The following FILIP1 variants were observed in gnomAD, a reference collection of about 807,000 sequenced individuals.
FILIP1 encodes the protein filamin-A-interacting protein 1.
FILIP1 carries 61 observed loss-of-function variants against 102.1 expected under a neutral mutation model. The ratio of observed to expected loss-of-function variants is 0.60; its 90% confidence interval spans 0.49 to 0.74. FILIP1 has a LOEUF of 0.74. Ranked by LOEUF, FILIP1 falls within the 30% of genes least tolerant of loss-of-function variation. The probability of loss-of-function intolerance (pLI) is 0.00; values close to 1 mark genes in which losing one functional copy is unlikely to be tolerated. For missense variants in FILIP1, 1,314 were observed against 1,441.2 expected (o/e 0.91, Z 1.43); for synonymous variants, 491 against 526.9 (o/e 0.93, Z 0.93).
rs758204903 is a variant in FILIP1, at chr6:75,308,913, T to C, written c.3436-16A>G. The C allele has an allele frequency of 1.2e-6, 2 of 1,613,030 alleles. No homozygotes were observed. The highest frequency in any genetic ancestry group is 1.7e-6 in the Non-Finnish European group (2 of 1,179,324). On this transcript the variant is annotated splice_polypyrimidine_tract_variant and intron_variant, in intron 5 of 5. Transcript: ENST00000237172. ...CTTGTCCTGACTGTAAGAGAGAAAA[T>C]ACGTAGATACAAGGGAGATGTTGGT...
At chr6:75,327,324 CT>C (rs899185529) in intron 4 of FILIP1, among the ~76,000 whole-genome samples, 5 of 152,138 alleles carry the variant, frequency 3.3e-5, no homozygotes, top group Admixed American at 2.6e-4. Context: ...ACCATCATCT[CT>C]TATCTGGATT....
intron 1 of FILIP1, among the ~76,000 whole-genome samples, chr6:75,479,553 T>C (rs1779590198): frequency 2.0e-5 from 3 of 152,216 alleles, no homozygotes; most frequent in Non-Finnish European, 4.4e-5. Flanking sequence ...TTTTCTATTG[T>C]GTCTCTTTTT....
At chr6:75,410,944 G>A (rs1160436225) in intron 2 of FILIP1, among the ~76,000 whole-genome samples, 2 of 152,196 alleles carry the variant, frequency 1.3e-5, no homozygotes, top group Non-Finnish European at 2.9e-5. Flanking sequence ...CCAGTAATGG[G>A]ATTGCTGGGT....
intron 2 of FILIP1, among the ~76,000 whole-genome samples, chr6:75,364,714 A>C (rs1582399294): frequency 6.6e-6 from 1 of 152,230 alleles, no homozygotes; most frequent in Admixed American, 6.5e-5. Context: ...TAAGGCTCCC[A>C]GGTGATTCCA....
At chr6:75,372,385 A>G (rs1159735397) in intron 2 of FILIP1, among the ~76,000 whole-genome samples, 3 of 149,348 alleles carry the variant, frequency 2.0e-5, no homozygotes, top group South Asian at 2.1e-4. Flanking sequence ...AAAAAAAAAA[A>G]GGAATTAATA....
intron 2 of FILIP1, among the ~76,000 whole-genome samples, chr6:75,380,207 C>CAAA (rs11447756): frequency 6.7e-6 from 1 of 149,264 alleles, no homozygotes; most frequent in Admixed American, 6.7e-5. Flanking sequence ...AATTAAAAGG[C>CAAA]AAAAAAAAAG....
intron 1 of FILIP1, among the ~76,000 whole-genome samples, chr6:75,459,235 A>T (rs1778940285): frequency 6.6e-6 from 1 of 152,186 alleles, no homozygotes; most frequent in Non-Finnish European, 1.5e-5. Context: ...GTCTGCAATG[A>T]TTCCCTGCCA....
intron 3 of FILIP1, among the ~76,000 whole-genome samples, chr6:75,357,691 T>C (rs551735895): frequency 5.6e-4 from 85 of 152,368 alleles, no homozygotes; most frequent in Non-Finnish European, 1.0e-3. Context: ...TGTGAGGTTT[T>C]AGGTGTCAAT....
Position 75,312,866 on chromosome 6 carries a change from T to C in FILIP1, c.2966A>G (p.Glu989Gly). The change falls in exon 5 of 6, where the codon GAG becomes GGG. Residue 989 changes from glutamate (E) to glycine (G), a missense_variant. Coordinates refer to ENST00000237172, the MANE Select transcript of FILIP1 (RefSeq NM_015687.5). ...GCCTCTTCCACTTTCTGGAGTCTTC[T>C]CTCTGGAAAATGTAGTAATTGTGAC... ...SPVTITTFSREKTPESGRGAF... is the reference protein window; with the variant it reads ...SPVTITTFSRGKTPESGRGAF... 6.2e-7 allele frequency: 1 copy of C among 1,614,174 alleles called. No individual in the cohort carries two copies. Among genetic ancestry groups the C allele is most frequent in the Non-Finnish European group, 8.5e-7 (1 of 1,180,034 alleles).
chr6:75,335,597 A>G (rs1774217139), intron 4 of FILIP1, among the ~76,000 whole-genome samples: 1 of 152,128 alleles, frequency 6.6e-6, no homozygotes, highest in African/African-American at 2.4e-5. Context: ...AGGTAAATTA[A>G]ACATTCCAGT....
intron 1 of FILIP1, chr6:75,458,974 AT>A (rs781006357): frequency 1.2e-4 from 19 of 152,216 alleles, no homozygotes; most frequent in Non-Finnish European, 2.2e-4. Flanking sequence ...ACTAGAGATT[AT>A]TTGGGGGACA....
In FILIP1 at chr6:75,312,556, G is replaced by A; in HGVS notation, c.3276C>T (p.Val1092=). The change falls in exon 5 of 6, where the codon GTC becomes GTT. Residue 1092 remains valine, a synonymous_variant. Coordinates refer to ENST00000237172, the MANE Select transcript of FILIP1 (RefSeq NM_015687.5). ...TTTCGGCTGTCACGTTTACTGGTCG[G>A]ACAGTAATAACTGGACTGACTCCTT... ...SGEGVSPVIT[V]RPVNVTAEKE... 1 of 1,614,192 alleles carries A rather than the reference G, an allele frequency of 6.2e-7. No individual in the cohort carries two copies. Among genetic ancestry groups the A allele is most frequent in the Non-Finnish European group, 8.5e-7 (1 of 1,180,032 alleles).
chr6:75,311,982 A>C (rs1773202616), intron 5 of FILIP1, among the ~76,000 whole-genome samples: 1 of 152,182 alleles, frequency 6.6e-6, no homozygotes, highest in Non-Finnish European at 1.5e-5. Flanking sequence ...CACATATTGA[A>C]TATTTTAGTT....
At chr6:75,460,365 A>C (rs1043518271) in intron 1 of FILIP1, among the ~76,000 whole-genome samples, 3 of 152,228 alleles carry the variant, frequency 2.0e-5, no homozygotes, top group Non-Finnish European at 4.4e-5. Context: ...TCGGCTCTTA[A>C]TACATCTTTC....
chr6:75,404,907 C>G (rs972359425), intron 2 of FILIP1, among the ~76,000 whole-genome samples: 4 of 152,180 alleles, frequency 2.6e-5, no homozygotes, highest in Admixed American at 6.5e-5. Flanking sequence ...CTTGACTCTG[C>G]TTTTTTCTTG....
exon 7 of FILIP1, chr6:75,295,700 A>G (rs1483728079): frequency 1.3e-5 from 5 of 377,146 alleles, no homozygotes; most frequent in Non-Finnish European, 2.3e-5. Context: ...TGGCACATAG[A>G]TTGAATTGCT....
At chr6:75,484,899 T>C (rs906277041) in intron 1 of FILIP1, among the ~76,000 whole-genome samples, 1 of 152,226 alleles carries the variant, frequency 6.6e-6, no homozygotes, top group South Asian at 2.1e-4. Context: ...TGATAAGCTG[T>C]TAATATCTTA....
chr6:75,365,819 A>G (rs1236825468), intron 2 of FILIP1, among the ~76,000 whole-genome samples: 1 of 152,180 alleles, frequency 6.6e-6, no homozygotes, highest in Non-Finnish European at 1.5e-5. Flanking sequence ...GAAATACTTC[A>G]TCATTCCTTA....
chr6:75,372,718 GAAAGAGAAAGAGAAAGAAAGAAAGAAA>G, intron 2 of FILIP1, among the ~76,000 whole-genome samples: 1 of 48,648 alleles, frequency 2.1e-5, no homozygotes, highest in African/African-American at 1.2e-4. Context: ...AGAAAGGAAA[GAAAGAGAAAGAGAAAGAAAGAAAGAAA>G]GAAAGAAAGA....
Sources: allele counts gnomAD v4.1 joint callset (sites outside exome capture counted in the v4.1 genomes callset), GRCh38; gene constraint gnomAD v4.1.1; transcripts MANE v1.5; gene names NCBI Gene and HGNC (gene_info 2026-07-23, HGNC 2026-07-21).